Variants in DPP7 observed in about 807,000 individuals in gnomAD.
DPP7 encodes dipeptidyl peptidase 7, also known as dipeptidyl peptidase 2.
In DPP7, 74 loss-of-function variants were observed where a neutral mutation model predicts 58.8. The ratio of observed to expected loss-of-function variants is 1.26; its 90% CI spans 1.04 to 1.53. The LOEUF (loss-of-function observed/expected upper bound fraction) is 1.53. Among genes scored for constraint, DPP7 ranks in the 40% most tolerant of loss-of-function variants. The pLI, the probability that DPP7 is intolerant of heterozygous loss-of-function variation, is 0.00. For missense variants in DPP7, 807 were observed against 692.3 expected (o/e 1.17, Z -1.86); for synonymous variants, 350 against 303.6 (o/e 1.15, Z -1.59).
chr9:137,111,438 C>A (rs1051934545), intron 11 of DPP7, among the ~76,000 whole-genome samples: 2 of 152,206 alleles, frequency 1.3e-5, no homozygotes, highest in South Asian at 2.1e-4. Context: ...ATCGTTTGAG[C>A]CCAAGAGTTC....
Position 137,113,903 on chromosome 9 carries a change from G to T in DPP7, c.447C>A (p.Leu149=), listed in dbSNP as rs11547763. 6 of 1,571,188 alleles carry T rather than the reference G, an allele frequency of 3.8e-6. No individual in the cohort carries two copies. The Admixed American group carries it at 1.0e-4, about 27-fold the overall frequency. ...CGATGGCGGGGGCATCCTGGGCCCC[G>T]AGGTCGCGTCGTAGCGCGCGGAGCA... ...AELLRALRRD[L]GAQDAPAIAF... The change falls in exon 4 of 13, where the codon CTC becomes CTA. Residue 149 remains leucine, a synonymous_variant. Transcript: ENST00000371579.
chr9:137,117,526 C>G (rs949502052), upstream of DPP7, among the ~76,000 whole-genome samples: 1 of 152,242 alleles, frequency 6.6e-6, no homozygotes, highest in Non-Finnish European at 1.5e-5. Flanking sequence ...AAACCCTCCC[C>G]TCGAGGTCCA....
Position 137,113,040 on chromosome 9 carries a change from G to T in DPP7, c.783C>A (p.Phe261Leu), listed in dbSNP as rs75319311. The T allele has an allele frequency of 6.0e-5, 97 of 1,613,726 alleles. No homozygotes were observed. The highest frequency in any genetic ancestry group is 7.5e-5 in the Non-Finnish European group (88 of 1,180,020). ...CCAGCACGGTGAAGGCATTCCGGGC[G>T]AACATGAAGAGCTGGGTCAGGTCCT... ...DEKDLTQLFM[F>L]ARNAFTVLAM... Residue 261 changes from phenylalanine (F) to leucine (L), a missense_variant, in exon 7 of 13, where the codon TTC becomes TTA. Phe to Leu is a conservative substitution (Grantham distance 22). Transcript: ENST00000371579.
chr9:137,117,138 T>G (rs534190005), upstream of DPP7, among the ~76,000 whole-genome samples: 65 of 152,346 alleles, frequency 4.3e-4, no homozygotes, highest in African/African-American at 1.5e-3. Flanking sequence ...GCCTTCTCTA[T>G]ACTTTGTCTC....
upstream of DPP7, chr9:137,114,797 G>C (rs1208728165): frequency 1.0e-6 from 1 of 980,398 alleles, no homozygotes; most frequent in Non-Finnish European, 1.3e-6. Flanking sequence ...CACGTGTTTC[G>C]GGCGCCCGCG....
At chr9:137,111,091 G>T in intron 11 of DPP7, 141 bp from the exon 12 acceptor site, 1 of 851,462 alleles carries the variant, frequency 1.2e-6, no homozygotes, top group Non-Finnish European at 1.9e-6. Flanking sequence ...GCCAGAGACG[G>T]AGGTGGGAAG....
intron 4 of DPP7, 77 bp downstream of exon 4, chr9:137,113,788 G>T: frequency 7.2e-7 from 1 of 1,392,368 alleles, no homozygotes; most frequent in Middle Eastern, 2.7e-4. Flanking sequence ...GAGTCAGAGG[G>T]GAGTGGGGAG....
Position 137,111,996 on chromosome 9 carries a change from T to C in DPP7, c.1084A>G (p.Asn362Asp). 2.5e-6 allele frequency: 4 copies of C among 1,613,464 alleles called. No homozygotes were observed. The highest frequency in any genetic ancestry group is 3.4e-6 in the Non-Finnish European group (4 of 1,179,776). Residue 362 changes from asparagine (N) to aspartate (D), a missense_variant, in exon 10 of 13, where the codon AAC (asparagine) becomes GAC (aspartate). Physicochemically the swap from Asn to Asp is conservative, Grantham distance 23. Around this residue, in one of 3 missense-constraint regions of DPP7, gnomAD observed 624 missense variants for 531.2 expected, o/e 1.17. Transcript: ENST00000371579. ...CTEINLTFAS[N>D]NVTDMFPDLP... is the part of the protein sequence containing the mutation. ...TCCGGGAACATATCGGTCACATTGT[T>C]GCTGGCGAAGGTCAGGTTGATCTCG...
At chr9:137,112,869 C>T (rs1588664992) in intron 7 of DPP7, 64 bp from the exon 8 acceptor site, 3 of 1,601,536 alleles carry the variant, frequency 1.9e-6, no homozygotes, top group Non-Finnish European at 2.6e-6. Context: ...TCCCTGGCTC[C>T]CAGGATGAGG....
chr9:137,115,092 T>A (rs1831589437), upstream of DPP7: 1 of 186,694 alleles, frequency 5.4e-6, no homozygotes, highest in Non-Finnish European at 1.1e-5. Flanking sequence ...TGGGGGCCGT[T>A]CTGCTGCCCT....
In DPP7 at chr9:137,114,689, C is replaced by CCGGGGCCCAGGGAG. The variant is rs1429887667; in HGVS notation, c.11_24dup (p.Val9LeufsTer126). 2.2e-6 allele frequency: 3 copies of CCGGGGCCCAGGGAG among 1,339,184 alleles called. No homozygotes were observed. In the East Asian group the frequency reaches 9.4e-5, roughly 42 times the overall value. The allele number at this position is 1,339,184 out of a possible 1,614,324, so 83.0% of individuals were successfully genotyped here. ...CGCAGCCCGAGCGCCAGCAGCAGGACCGGGGCCCAGGGAGCGGAGCCCATG... is the reference window on the plus strand; with the variant it reads ...CGCAGCCCGAGCGCCAGCAGCAGGACCGGGGCCCAGGGAGCGGGGCCCAGGGAGCGGAGCCCATG... On this transcript the variant is annotated frameshift_variant, in exon 1 of 13. Transcript: ENST00000371579. LOFTEE classifies it high-confidence loss of function.
At position 137,113,961 on chromosome 9, in the gene DPP7, G is replaced by T. The variant is rs1831507714; in HGVS notation, c.389C>A (p.Thr130Lys). 1.3e-6 allele frequency: 2 copies of T among 1,587,270 alleles called. No individual in the cohort carries two copies. Among genetic ancestry groups the T allele is most frequent in the East Asian group, 4.5e-5 (2 of 43,984 alleles). Reference sequence around the variant, plus strand: ...GAAGTCGGCCAGGGCCTGCTCCACCGTCAGCAGCTCCGTGTGCCCGCGCTG... The same window carrying T: ...GAAGTCGGCCAGGGCCTGCTCCACCTTCAGCAGCTCCGTGTGCCCGCGCTG... ...STQRGHTELL[T>K]VEQALADFAE... The change falls in exon 4 of 13, where the codon ACG (threonine) becomes AAG (lysine). Residue 130 changes from threonine to lysine, a missense_variant. Thr to Lys is a moderately conservative substitution (Grantham distance 78). This residue lies in a region of DPP7 where 624 missense variants were observed against 531.2 expected (regional missense o/e 1.17). Coordinates refer to ENST00000371579, the MANE Select transcript of DPP7 (RefSeq NM_013379.3).
chr9:137,118,284 G>A (rs1193598128), upstream of DPP7, among the ~76,000 whole-genome samples: 6 of 150,580 alleles, frequency 4.0e-5, no homozygotes, highest in Non-Finnish European at 5.9e-5. Flanking sequence ...CACCACACCC[G>A]GCCTGTTTTA....
rs9886799 is a variant in DPP7 at position 137,110,843 on chromosome 9, C to T, written c.1343+37G>A. On this transcript the variant is annotated intron_variant, in intron 12 of 12. Transcript: ENST00000371579. The stretch of plus-strand genomic sequence containing the variant: ...CAGCCCTCGGTGAGCCTGTCCCGCC[C>T]GACCCGCGACCACCGCCAGGCCACC... The T allele has an allele frequency of 6.3e-3, 10,072 of 1,603,854 alleles. 431 individuals carry two copies. The African/African-American group carries it at 0.1, about 16-fold the overall frequency.
chr9:137,117,961 G>A (rs1000534307), upstream of DPP7, among the ~76,000 whole-genome samples: 2 of 151,380 alleles, frequency 1.3e-5, no homozygotes, highest in Non-Finnish European at 1.5e-5. Context: ...CTCCAGGTAC[G>A]TCATATCAGT....
Position 137,114,705 on chromosome 9 carries a change from G to T in DPP7, c.9C>A (p.Ser3=), listed in dbSNP as rs557666825. The T allele has an allele frequency of 3.1e-3, 4,033 of 1,304,054 alleles. 6 individuals are homozygous for T. The highest frequency in any genetic ancestry group is 3.5e-3 in the Non-Finnish European group (3,644 of 1,028,432). 80.8% of individuals were successfully genotyped at this position (1,304,054 alleles called of 1,614,324 possible). Residue 3 remains serine, a synonymous_variant, in exon 1 of 13, where the codon TCC becomes TCA. Coordinates refer to ENST00000371579, the MANE Select transcript of DPP7 (RefSeq NM_013379.3). MG[S]APWAPVLLLA... ...GCAGCAGGACCGGGGCCCAGGGAGC[G>T]GAGCCCATGTCGCCTTCCGCGGGCG...
In DPP7 at chr9:137,110,947, G is replaced by T. The variant is rs149094336; in HGVS notation, c.1276C>A (p.Arg426=). 5.6e-6 allele frequency: 9 copies of T among 1,612,810 alleles called. No homozygotes were observed. In the South Asian group the frequency reaches 7.7e-5, roughly 14 times the overall value. Reference sequence around the variant, plus strand: ...ATGACTGAGGCACTCAGGTTCCTCCGAATCTGTGGTCAGTGGAAAGAACTC... The same window carrying T: ...ATGACTGAGGCACTCAGGTTCCTCCTAATCTGTGGTCAGTGGAAAGAACTC... ...NLDPWAGGGI[R]RNLSASVIAV... is the part of the protein sequence containing the mutation. Residue 426 remains arginine (R), a synonymous_variant, in exon 12 of 13, where the codon CGG becomes AGG. Coordinates refer to ENST00000371579, the MANE Select transcript of DPP7 (RefSeq NM_013379.3).
Position 137,114,485 on chromosome 9 carries a change from G to T in DPP7, c.159C>A (p.Phe53Leu), listed in dbSNP as rs768232008. The stretch of plus-strand genomic sequence containing the variant: ...CACCCGACACCAGGAAGCGCTGAGG[G>T]AAGGTCTTGTTGCCGAAGCGCTCGA... ...FNFERFGNKT[F>L]PQRFLVSDRF... The change falls in exon 2 of 13, where the codon TTC becomes TTA. Residue 53 changes from phenylalanine (F) to leucine (L), a missense_variant. By Grantham distance (22) the Phe-to-Leu change is conservative. Coordinates refer to ENST00000371579, the MANE Select transcript of DPP7 (RefSeq NM_013379.3). The T allele has an allele frequency of 1.3e-6, 2 of 1,579,750 alleles. No homozygotes were observed. The highest frequency in any genetic ancestry group is 1.1e-5 in the South Asian group (1 of 87,180).
At position 137,111,985 on chromosome 9, in the gene DPP7, GGT is replaced by G; in HGVS notation, c.1093_1094del (p.Thr365ArgfsTer10). On this transcript the variant is annotated frameshift_variant, in exon 10 of 13. Transcript: ENST00000371579. LOFTEE classifies it high-confidence loss of function. ...TGAAGGGCAGGTCCGGGAACATATC[GGT>G]CACATTGTTGCTGGCGAAGGTCAGG... ...INLTFASNNV[T>X]DMFPDLPFTD... The G allele has an allele frequency of 6.2e-7, 1 of 1,613,634 alleles. No individual in the cohort carries two copies. Among genetic ancestry groups the G allele is most frequent in the Non-Finnish European group, 8.5e-7 (1 of 1,179,810 alleles).
Sources: allele counts gnomAD v4.1 joint callset (sites outside exome capture counted in the v4.1 genomes callset), GRCh38; gene constraint gnomAD v4.1.1; regional missense constraint gnomAD v4.1.1; transcripts MANE v1.5; gene names NCBI Gene and HGNC (gene_info 2026-07-23, HGNC 2026-07-21).